The following SPATA17 variants were observed in gnomAD, a reference collection of about 807,000 sequenced individuals.
SPATA17 encodes spermatogenesis associated 17, also known as spermatogenesis-associated protein 17.
A neutral mutation model predicts 62.2 loss-of-function variants in SPATA17; 53 were observed. The ratio of observed to expected loss-of-function variants is 0.85; its 90% confidence interval spans 0.68 to 1.07. The LOEUF is 1.07. Ranked by LOEUF, SPATA17 falls within the 50% of genes least tolerant of loss-of-function variation. The pLI is 0.00. For missense variants in SPATA17, 466 were observed against 425.5 expected (o/e 1.10, Z -0.84); for synonymous variants, 146 against 146.8 (o/e 0.99, Z 0.04).
At chr1:217,645,981 A>C (rs1354422542) in intron 1 of SPATA17, among the ~76,000 whole-genome samples, 1 of 151,968 alleles carries the variant, frequency 6.6e-6, no homozygotes, top group African/African-American at 2.4e-5. Context: ...TTTTTAAATA[A>C]TTGTTGTTAT....
intron 5 of SPATA17, among the ~76,000 whole-genome samples, chr1:217,686,125 T>C (rs116243330): frequency 0.05 from 7,634 of 152,184 alleles, 253 homozygotes; most frequent in Middle Eastern, 0.12. Flanking sequence ...ATTTTCTTTC[T>C]TATATTGCAA....
At chr1:217,778,758 A>G (rs776344477) in intron 7 of SPATA17, among the ~76,000 whole-genome samples, 3 of 152,204 alleles carry the variant, frequency 2.0e-5, no homozygotes, top group Admixed American at 6.5e-5. Context: ...AACATGTAAT[A>G]TTATGGTATA....
intron 7 of SPATA17, among the ~76,000 whole-genome samples, chr1:217,779,684 G>GT (rs1428532936): frequency 2.1e-5 from 3 of 144,758 alleles, no homozygotes; most frequent in Admixed American, 6.8e-5. Context: ...TTGTTTGTTT[G>GT]TTTTTTCTGA....
At chr1:217,762,340 A>G (rs1558040101) in intron 6 of SPATA17, among the ~76,000 whole-genome samples, 1 of 152,180 alleles carries the variant, frequency 6.6e-6, no homozygotes, top group Non-Finnish European at 1.5e-5. Context: ...CTCAATCCTA[A>G]TAACTTCAAA....
At chr1:217,793,524 A>G (rs1674058843) in intron 8 of SPATA17, among the ~76,000 whole-genome samples, 1 of 152,048 alleles carries the variant, frequency 6.6e-6, no homozygotes, top group Admixed American at 6.6e-5. Flanking sequence ...CCGGCAGGAC[A>G]GTTTTAGTCA....
At chr1:217,661,515 T>C (rs1293274543) in intron 3 of SPATA17, among the ~76,000 whole-genome samples, 2 of 152,164 alleles carry the variant, frequency 1.3e-5, no homozygotes, top group African/African-American at 4.8e-5. Flanking sequence ...TTGCAGTGAC[T>C]TCATTAACCC....
At chr1:217,703,452 G>C (rs192597151) in intron 5 of SPATA17, among the ~76,000 whole-genome samples, 50 of 152,266 alleles carry the variant, frequency 3.3e-4, no homozygotes, top group Non-Finnish European at 1.0e-4. Flanking sequence ...GATTACAGGC[G>C]TGATCCACCA....
chr1:217,837,599 T>C (rs1372606624), intron 9 of SPATA17, among the ~76,000 whole-genome samples: 1 of 152,070 alleles, frequency 6.6e-6, no homozygotes, highest in Non-Finnish European at 1.5e-5. Context: ...CATTACAGCT[T>C]TGCTCTGGGA....
chr1:217,644,220 A>G (rs2102879278), intron 1 of SPATA17, among the ~76,000 whole-genome samples: 1 of 152,328 alleles, frequency 6.6e-6, no homozygotes, highest in East Asian at 1.9e-4. Context: ...GTTGAGGACT[A>G]CTAATGAAAT....
chr1:217,822,772 G>T (rs1457829076), intron 9 of SPATA17, among the ~76,000 whole-genome samples: 1 of 137,168 alleles, frequency 7.3e-6, no homozygotes, highest in African/African-American at 2.5e-5. Context: ...TAATGTATGG[G>T]TTTCTGTTTT....
chr1:217,652,529 C>G (rs780094970), intron 3 of SPATA17, among the ~76,000 whole-genome samples: 2 of 152,010 alleles, frequency 1.3e-5, no homozygotes, highest in African/African-American at 4.8e-5. Flanking sequence ...CCACCACGCC[C>G]GGCCAAACTT....
chr1:217,713,596 T>C (rs183991384), intron 5 of SPATA17, among the ~76,000 whole-genome samples: 1 of 152,280 alleles, frequency 6.6e-6, no homozygotes, highest in East Asian at 1.9e-4. Flanking sequence ...GCTTCGTACC[T>C]ACAAGTCACT....
chr1:217,773,855 G>A (rs577595648), intron 6 of SPATA17, among the ~76,000 whole-genome samples: 21 of 151,962 alleles, frequency 1.4e-4, no homozygotes, highest in South Asian at 4.2e-4. Flanking sequence ...CTTAGTTTAC[G>A]TAATGAATAA....
intron 5 of SPATA17, among the ~76,000 whole-genome samples, chr1:217,697,236 C>T (rs1571738581): frequency 2.0e-5 from 3 of 152,238 alleles, no homozygotes; most frequent in Admixed American, 2.0e-4. Flanking sequence ...CTGCCTCGGC[C>T]TCCCAAAGTG....
chr1:217,651,024 A>G, intron 2 of SPATA17, 73 bp from the exon 3 acceptor site: 1 of 1,094,496 alleles, frequency 9.1e-7, no homozygotes, highest in Non-Finnish European at 1.4e-6. Context: ...ATTGTAGGAG[A>G]GTATTTTAAC....
At position 217,760,213 on chromosome 1, in the gene SPATA17, G is replaced by A. The variant is rs115659571; in HGVS notation, c.520-14121G>A. ...TTGAGTGGTGATAAAAGATAACTGG[G>A]TTGTGAAGAATAGTTATATTTTCTG... is the stretch of plus-strand genomic sequence containing the variant. On this transcript the variant is annotated intron_variant, in intron 6 of 10. Coordinates refer to ENST00000366933, the MANE Select transcript of SPATA17 (RefSeq NM_138796.4). 3.8e-3 allele frequency among the ~76,000 whole-genome samples: 581 copies of A among 152,224 alleles called. 4 individuals carry two copies. Among genetic ancestry groups the A allele is most frequent in the Non-Finnish European group, 6.6e-3 (452 of 68,018 alleles).
At chr1:217,844,956 A>G (rs942302874) in intron 9 of SPATA17, among the ~76,000 whole-genome samples, 1 of 152,068 alleles carries the variant, frequency 6.6e-6, no homozygotes, top group Admixed American at 6.6e-5. Context: ...CACTAATTCA[A>G]CTTGAAATAG....
At chr1:217,726,835 C>T (rs1332863892) in intron 5 of SPATA17, among the ~76,000 whole-genome samples, 2 of 151,866 alleles carry the variant, frequency 1.3e-5, no homozygotes, top group African/African-American at 4.8e-5. Flanking sequence ...TAAATATTGG[C>T]TATTATTATT....
In SPATA17 at chr1:217,656,581, T is replaced by TG. The variant is rs76908594; in HGVS notation, c.240+5403_240+5404insG. 1.6e-3 allele frequency among the ~76,000 whole-genome samples: 251 copies of TG among 152,134 alleles called. 1 individual carries two copies. The highest frequency in any genetic ancestry group is 4.8e-3 in the African/African-American group (198 of 41,486). On this transcript the variant is annotated intron_variant, in intron 3 of 10. Coordinates refer to ENST00000366933, the MANE Select transcript of SPATA17 (RefSeq NM_138796.4). ...ATGTATGTATGTATGTATGTATGTA[T>TG]TTATTTATTTTTGCCATTGTGTACA...
Sources: gnomAD v4.1 joint callset for allele counts (sites outside exome capture counted in the v4.1 genomes callset) on GRCh38, gnomAD v4.1.1 for gene constraint, MANE v1.5 for transcripts, NCBI Gene and HGNC (gene_info 2026-07-23, HGNC 2026-07-21) for gene names.